The following PTCHD1 variants were observed in gnomAD, a reference collection of about 807,000 sequenced individuals.
The protein encoded by PTCHD1 is patched domain containing 1.
PTCHD1 carries 3 observed loss-of-function variants against 34.6 expected under a neutral mutation model. The ratio of observed to expected loss-of-function variants is 0.09; its 90% CI spans 0.04 to 0.22. The LOEUF is 0.22. PTCHD1 is among the 10% of genes least tolerant of loss of function. PTCHD1 has a pLI of 1.00. For missense variants in PTCHD1, 504 were observed against 685.5 expected (o/e 0.74, Z 2.96); for synonymous variants, 305 against 283.1 (o/e 1.08, Z -0.77).
chrX:23,383,632 C>T (rs377439022), intron 2 of PTCHD1, among the ~76,000 whole-genome samples: 1 of 111,440 alleles, frequency 9.0e-6, no homozygotes, highest in African/African-American at 3.3e-5. Context: ...AGCATAGATA[C>T]ATCATGATTT....
At chrX:23,369,894 C>A (rs1337663521) in intron 1 of PTCHD1, among the ~76,000 whole-genome samples, 1 of 112,117 alleles carries the variant, frequency 8.9e-6, no homozygotes, top group African/African-American at 3.2e-5. Context: ...CCATTTACCC[C>A]TTAGTCTTTC....
rs779640824 is a variant in PTCHD1 at position 23,404,241 on chromosome X, G to A, written c.*10056G>A. 6.2e-5 allele frequency: 7 copies of A among 112,022 alleles called. No individual in the cohort carries two copies. Among genetic ancestry groups the A allele is most frequent in the Non-Finnish European group, 1.3e-4 (7 of 53,189 alleles). The allele number at this position is 112,022 out of a possible 1,213,427, so 9.2% of individuals were successfully genotyped here. A position where few individuals can be genotyped will look rare whatever the true frequency, so the allele number is the denominator to read the frequency against. ...TTCGAATGTAAAGGAGATTTCAAAT[G>A]TATTGCTTTCACCTTTTCTTTTTTA... On this transcript the variant is annotated 3_prime_UTR_variant, in exon 3 of 3. Transcript: ENST00000379361.
intron 1 of PTCHD1, among the ~76,000 whole-genome samples, chrX:23,377,875 C>G (rs1922453878): frequency 9.0e-6 from 1 of 111,458 alleles, no homozygotes; most frequent in Admixed American, 9.6e-5. Flanking sequence ...GTCTATTTAG[C>G]ACAGATTTGA....
intron 1 of PTCHD1, among the ~76,000 whole-genome samples, chrX:23,367,131 G>A (rs758768394): frequency 8.9e-6 from 1 of 112,304 alleles, no homozygotes; most frequent in Non-Finnish European, 1.9e-5. Context: ...GTTACTTGAA[G>A]ATAAAGTTAT....
intron 1 of PTCHD1, among the ~76,000 whole-genome samples, chrX:23,378,603 T>G (rs756984379): frequency 8.9e-6 from 1 of 112,085 alleles, no homozygotes; most frequent in East Asian, 2.8e-4. Flanking sequence ...CCAGACTGCC[T>G]GGTATAGCCC....
intron 1 of PTCHD1, among the ~76,000 whole-genome samples, chrX:23,352,158 T>C (rs190931854): frequency 9.0e-6 from 1 of 111,209 alleles, no homozygotes; most frequent in Admixed American, 9.5e-5. Flanking sequence ...GGGGAGTAGG[T>C]TTAGGTATTT....
At chrX:23,360,407 T>A (rs1921941383) in intron 1 of PTCHD1, among the ~76,000 whole-genome samples, 1 of 112,259 alleles carries the variant, frequency 8.9e-6, no homozygotes, top group African/African-American at 3.2e-5. Flanking sequence ...ATTTATCCAT[T>A]TCTTCTAGAT....
chrX:23,383,022 C>A (rs1446928067), intron 2 of PTCHD1, among the ~76,000 whole-genome samples: 1 of 111,846 alleles, frequency 8.9e-6, no homozygotes, highest in Non-Finnish European at 1.9e-5. Context: ...TCAAGGCCAT[C>A]GTTTAATTCT....
intron 1 of PTCHD1, among the ~76,000 whole-genome samples, chrX:23,363,050 G>A (rs1922032867): frequency 8.9e-6 from 1 of 112,025 alleles, no homozygotes; most frequent in African/African-American, 3.2e-5. Flanking sequence ...CCACCTGTAT[G>A]AGGTGTCAGT....
At chrX:23,376,972 G>A (rs1017483618) in intron 1 of PTCHD1, among the ~76,000 whole-genome samples, 9 of 111,869 alleles carry the variant, frequency 8.0e-5, no homozygotes, top group East Asian at 2.8e-4. Context: ...TGTAGTACGC[G>A]GGTTAACATG....
At position 23,351,284 on chromosome X, in the gene PTCHD1, C is replaced by A; in HGVS notation, c.351+16058C>A. ...TCAGTTGACTCATTCACTCTGTTCA[C>A]ACAAAAGATGTTGGACAACTTACAC... On this transcript the variant is annotated intron_variant, in intron 1 of 2. Coordinates refer to ENST00000379361, the MANE Select transcript of PTCHD1 (RefSeq NM_173495.3). The A allele has an allele frequency of 6.0e-6, 5 of 838,541 alleles. No homozygotes were observed. The South Asian group carries it at 1.1e-4, about 18-fold the overall frequency. The allele number at this position is 838,541 out of a possible 1,213,427, so 69.1% of individuals were successfully genotyped here. A position where few individuals can be genotyped will look rare whatever the true frequency, so the allele number is the denominator to read the frequency against.
intron 1 of PTCHD1, among the ~76,000 whole-genome samples, chrX:23,357,021 C>A (rs913299498): frequency 1.8e-5 from 2 of 111,967 alleles, no homozygotes; most frequent in Non-Finnish European, 3.8e-5. Context: ...GTGACTTCCT[C>A]AAGGTCATCA....
chrX:23,346,156 G>A (rs1276474356), intron 1 of PTCHD1, among the ~76,000 whole-genome samples: 1 of 112,439 alleles, frequency 8.9e-6, no homozygotes, highest in Non-Finnish European at 1.9e-5. Flanking sequence ...AAGCAAATCA[G>A]ATGGTACAGC....
chrX:23,335,560 G>A (rs1268681021), intron 1 of PTCHD1, among the ~76,000 whole-genome samples: 5 of 113,013 alleles, frequency 4.4e-5, no homozygotes, highest in Non-Finnish European at 9.4e-5. Flanking sequence ...GGGGTAACTG[G>A]GCCAGCAAGG....
At position 23,403,427 on chromosome X, in the gene PTCHD1, T is replaced by A. The variant is rs1238333097; in HGVS notation, c.*9242T>A. 1 of 112,070 alleles carries A rather than the reference T, an allele frequency of 8.9e-6. No individual in the cohort carries two copies. Among genetic ancestry groups the A allele is most frequent in the Non-Finnish European group, 1.9e-5 (1 of 53,228 alleles). 9.2% of individuals were successfully genotyped at this position (112,070 alleles called of 1,213,427 possible). A position where few individuals can be genotyped will look rare whatever the true frequency, so the allele number is the denominator to read the frequency against. On this transcript the variant is annotated 3_prime_UTR_variant, in exon 3 of 3. Transcript: ENST00000379361. ...ACTAGAAAAAAATAATAGTCAAACC[T>A]AAAGCTTTAAAAAATGTGAGTCACA...
At chrX:23,354,792 C>T (rs752212796) in intron 1 of PTCHD1, among the ~76,000 whole-genome samples, 2 of 108,853 alleles carry the variant, frequency 1.8e-5, no homozygotes, top group African/African-American at 3.3e-5. Flanking sequence ...AGGATGGTCT[C>T]GATCTCTTGA....
rs1190803837 is a variant in PTCHD1 at position 23,397,634 on chromosome X, C to T, written c.*3449C>T. ...AGAAGTGTGATAATCAGATGCCATC[C>T]TCCATGGCCACGCTTATGTATGCAA... On this transcript the variant is annotated 3_prime_UTR_variant, in exon 3 of 3. Transcript: ENST00000379361. The T allele has an allele frequency of 8.9e-6, 1 of 111,794 alleles. No individual in the cohort carries two copies. The highest frequency in any genetic ancestry group is 1.9e-5 in the Non-Finnish European group (1 of 53,229). The allele number at this position is 111,794 out of a possible 1,213,427, so 9.2% of individuals were successfully genotyped here. A position where few individuals can be genotyped will look rare whatever the true frequency, so the allele number is the denominator to read the frequency against.
intron 1 of PTCHD1, among the ~76,000 whole-genome samples, chrX:23,364,759 A>T (rs1922094006): frequency 1.8e-5 from 2 of 112,548 alleles, no homozygotes; most frequent in Admixed American, 9.4e-5. Flanking sequence ...CTTTCATCCA[A>T]CTTGGGCAAT....
chrX:23,392,231 A>G (rs777348900), intron 2 of PTCHD1, among the ~76,000 whole-genome samples: 1 of 109,163 alleles, frequency 9.2e-6, no homozygotes, highest in Non-Finnish European at 1.9e-5. Context: ...TCTATAGGCA[A>G]AAGTTCATCT....
Sources: gnomAD v4.1 joint callset for allele counts (sites outside exome capture counted in the v4.1 genomes callset) on GRCh38, gnomAD v4.1.1 for gene constraint, MANE v1.5 for transcripts, NCBI Gene and HGNC (gene_info 2026-07-23, HGNC 2026-07-21) for gene names.